Variants in ZZZ3 observed in about 807,000 individuals in gnomAD.
ZZZ3 encodes ZZ-type zinc finger-containing protein 3.
Under a neutral mutation model 95.2 loss-of-function variants are expected in ZZZ3, and 22 were observed. The observed-to-expected ratio is 0.23, with a 90% CI of 0.17 to 0.33. The LOEUF (loss-of-function observed/expected upper bound fraction) is 0.33. Among genes scored for constraint, ZZZ3 ranks in the 10% least tolerant of loss-of-function variants. ZZZ3 has a pLI of 1.00. For synonymous variants in ZZZ3, 335 were observed against 358.9 expected (o/e 0.93, Z 0.75); for missense variants, 885 against 1,066.5 (o/e 0.83, Z 2.37).
intron 12 of ZZZ3, among the ~76,000 whole-genome samples, chr1:77,570,218 C>T (rs1290514894): frequency 1.3e-5 from 2 of 152,076 alleles, no homozygotes; most frequent in Admixed American, 6.5e-5. Flanking sequence ...TTCTCCTGCC[C>T]CAGCCTCCCA....
chr1:77,622,348 A>T (rs1006273483), intron 5 of ZZZ3, among the ~76,000 whole-genome samples: 3 of 149,276 alleles, frequency 2.0e-5, no homozygotes, highest in South Asian at 4.3e-4. Flanking sequence ...AGGAATGATA[A>T]TGTAAAACAA....
chr1:77,633,284 CAA>C lies in ZZZ3; in HGVS notation c.69_70del (p.Phe23LeufsTer3). ...GCTACGATTCCTTAAAGTTCTACCA[CAA>C]AAAGATTCATCCAAGCCGTTTAACC... On this transcript the variant is annotated frameshift_variant, in exon 5 of 15. Coordinates refer to ENST00000370801, the MANE Select transcript of ZZZ3 (RefSeq NM_015534.6). LOFTEE classifies it high-confidence loss of function. 6.2e-7 allele frequency: 1 copy of C among 1,613,848 alleles called. No individual in the cohort carries two copies. Among genetic ancestry groups the C allele is most frequent in the Non-Finnish European group, 8.5e-7 (1 of 1,179,892 alleles).
At chr1:77,570,560 T>A (rs1351967615) in intron 12 of ZZZ3, among the ~76,000 whole-genome samples, 1 of 152,102 alleles carries the variant, frequency 6.6e-6, no homozygotes, top group Non-Finnish European at 1.5e-5. Flanking sequence ...ATCTACAGCA[T>A]CAAGTCCAAA....
Position 77,632,604 on chromosome 1 carries a change from T to C in ZZZ3, c.751A>G (p.Met251Val), listed in dbSNP as rs150978320. Residue 251 changes from methionine to valine, a missense_variant, in exon 5 of 15, where the codon ATG becomes GTG. By Grantham distance (21) the Met-to-Val change is conservative. Coordinates refer to ENST00000370801, the MANE Select transcript of ZZZ3 (RefSeq NM_015534.6). Reference protein sequence around the residue: ...ENGDTDTQTSMFLDSRKEDSY... With the variant: ...ENGDTDTQTSVFLDSRKEDSY... ...TCCTCCTTCCTACTATCAAGGAACA[T>C]TGAAGTTTGGGTATCCGTATCCCCA... 123 of 1,614,086 alleles carry C rather than the reference T, an allele frequency of 7.6e-5. No homozygotes were observed. The highest frequency in any genetic ancestry group is 9.8e-5 in the Non-Finnish European group (116 of 1,180,028).
chr1:77,657,472 G>C (rs746844736), intron 1 of ZZZ3, among the ~76,000 whole-genome samples: 1 of 152,100 alleles, frequency 6.6e-6, no homozygotes, highest in Non-Finnish European at 1.5e-5. Context: ...TAAGTAAATA[G>C]ACAAGAGAGC....
chr1:77,651,878 G>A (rs747392007), intron 1 of ZZZ3, among the ~76,000 whole-genome samples: 6 of 151,940 alleles, frequency 3.9e-5, no homozygotes, highest in African/African-American at 9.7e-5. Flanking sequence ...TTAGCTGGGC[G>A]TGGTGGCGTG....
At chr1:77,669,707 T>C (rs1159369612) in intron 1 of ZZZ3, among the ~76,000 whole-genome samples, 1 of 151,996 alleles carries the variant, frequency 6.6e-6, no homozygotes. Flanking sequence ...ATGCACCCAC[T>C]TCAGCCTCCC....
intron 5 of ZZZ3, among the ~76,000 whole-genome samples, chr1:77,617,364 A>T (rs1007322782): frequency 2.5e-4 from 38 of 152,136 alleles, no homozygotes. Context: ...CCTCTTCTGG[A>T]TTATTTCATA....
At chr1:77,658,515 C>CTTTTTTTTTTT (rs111821277) in intron 1 of ZZZ3, among the ~76,000 whole-genome samples, 1 of 131,788 alleles carries the variant, frequency 7.6e-6, no homozygotes. Context: ...CACATCCTGG[C>CTTTTTTTTTTT]TTTTTTTTTT....
intron 9 of ZZZ3, 171 bp downstream of exon 9, chr1:77,580,827 T>C: frequency 1.8e-6 from 1 of 558,336 alleles, no homozygotes; most frequent in Non-Finnish European, 3.2e-6. Flanking sequence ...GGTTTCACCA[T>C]GTTGGCCAGG....
intron 5 of ZZZ3, among the ~76,000 whole-genome samples, chr1:77,620,484 T>TGGAA (rs67469701): frequency 0.057 from 7,764 of 135,714 alleles, 272 homozygotes; most frequent in East Asian, 0.12. Context: ...AACGAAAGAA[T>TGGAA]GGAAGGAAGG....
chr1:77,648,509 A>T (rs1009241476), intron 1 of ZZZ3, among the ~76,000 whole-genome samples: 9 of 152,160 alleles, frequency 5.9e-5, no homozygotes, highest in African/African-American at 1.9e-4. Context: ...GTAGATGGAT[A>T]TATTAAGCAA....
intron 5 of ZZZ3, among the ~76,000 whole-genome samples, chr1:77,623,074 AAAT>A (rs1667029714): frequency 6.6e-6 from 1 of 152,330 alleles, no homozygotes; most frequent in South Asian, 2.1e-4. Context: ...GAAAATATAC[AAAT>A]AATAACTATT....
chr1:77,651,392 A>C (rs1028731149), intron 1 of ZZZ3, among the ~76,000 whole-genome samples: 4 of 152,192 alleles, frequency 2.6e-5, no homozygotes, highest in Non-Finnish European at 5.9e-5. Context: ...AAAAATAAAA[A>C]AACACTAACA....
Position 77,575,756 on chromosome 1 carries a change from CT to C in ZZZ3, c.2331+311del, listed in dbSNP as rs753345198. On this transcript the variant is annotated intron_variant, in intron 12 of 14. Transcript: ENST00000370801. ...TATATTTCACTGTATAACAAATTAC[CT>C]TTTATAAACATGATAATTATATTGT... 1.4e-4 allele frequency among the ~76,000 whole-genome samples: 22 copies of C among 152,184 alleles called. 1 individual carries two copies. The highest frequency in any genetic ancestry group is 1.2e-3 in the Admixed American group (18 of 15,286).
chr1:77,626,380 C>A (rs1001424988), intron 5 of ZZZ3, among the ~76,000 whole-genome samples: 2 of 152,098 alleles, frequency 1.3e-5, no homozygotes, highest in Non-Finnish European at 2.9e-5. Context: ...TACAACTCAC[C>A]ATAATGTAGA....
intron 1 of ZZZ3, among the ~76,000 whole-genome samples, chr1:77,654,185 CAAA>C (rs749067016): frequency 0.027 from 1,809 of 66,132 alleles, 15 homozygotes; most frequent in South Asian, 0.077. Context: ...GACTCCATCT[CAAA>C]AAAAAAAAAA....
At chr1:77,666,782 A>G (rs1376126374) in intron 1 of ZZZ3, among the ~76,000 whole-genome samples, 1 of 152,202 alleles carries the variant, frequency 6.6e-6, no homozygotes, top group African/African-American at 2.4e-5. Context: ...AAGAAAAACC[A>G]GGGAAAGTGA....
At chr1:77,677,782 G>A (rs113874147) in intron 1 of ZZZ3, among the ~76,000 whole-genome samples, 3 of 152,008 alleles carry the variant, frequency 2.0e-5, no homozygotes, top group African/African-American at 7.2e-5. Flanking sequence ...CCTAACAGTA[G>A]GTTAAAAAGC....
Sources: allele counts gnomAD v4.1 joint callset (sites outside exome capture counted in the v4.1 genomes callset), GRCh38; gene constraint gnomAD v4.1.1; transcripts MANE v1.5; gene names NCBI Gene and HGNC (gene_info 2026-07-23, HGNC 2026-07-21).